The following KCNIP4 variants were observed in gnomAD, a reference collection of about 807,000 sequenced individuals.
KCNIP4 encodes the protein potassium voltage-gated channel interacting protein 4.
In KCNIP4, 12 loss-of-function variants were observed where a neutral mutation model predicts 34.0. The ratio of observed to expected loss-of-function variants is 0.35; its 90% CI spans 0.23 to 0.57. KCNIP4 has a LOEUF of 0.57. Among genes scored for constraint, KCNIP4 ranks in the 20% least tolerant of loss-of-function variants. The pLI, the probability that KCNIP4 is intolerant of heterozygous loss-of-function variation, is 0.83. For missense variants in KCNIP4, 238 were observed against 311.7 expected, an observed-to-expected ratio of 0.76 and a Z score of 1.78; for synonymous variants, 124 against 102.2, an observed-to-expected ratio of 1.21 and a Z score of -1.29.
chr4:20,748,248 T>C (rs1752794020), intron 5 of KCNIP4, among the ~76,000 whole-genome samples: 1 of 152,084 alleles, frequency 6.6e-6, no homozygotes, highest in African/African-American at 2.4e-5. Flanking sequence ...GTGTATTCTA[T>C]CTTCTTGATG....
At chr4:21,933,324 C>A (rs1369323018) in intron 1 of KCNIP4, among the ~76,000 whole-genome samples, 1 of 151,950 alleles carries the variant, frequency 6.6e-6, no homozygotes, top group Non-Finnish European at 1.5e-5. Flanking sequence ...GCCATCTGGA[C>A]CTTATCTTTT....
rs367788126 is a variant in KCNIP4, at chr4:20,811,266, A to G, written c.288+39277T>C. Among the ~76,000 whole-genome samples the G allele has an allele frequency of 4.3e-4, 66 of 152,326 alleles. No individual in the cohort carries two copies. In the South Asian group the frequency reaches 0.013, roughly 31 times the overall value. ...TAAAACGTGAAAAATAGGGAAATTC[A>G]TGCTATTTGAACTAGTTTTTGCTTA... On this transcript the variant is annotated intron_variant, in intron 3 of 8. Transcript: ENST00000382152.
chr4:21,023,737 CCAGGCATGGTGGTG>C (rs770502672), intron 1 of KCNIP4, among the ~76,000 whole-genome samples: 2 of 151,954 alleles, frequency 1.3e-5, no homozygotes, highest in Non-Finnish European at 2.9e-5. Context: ...AAAAAGTTAA[CCAGGCATGGTGGTG>C]CACGCCTGTA....
At chr4:20,948,510 G>A (rs1191432138) in intron 1 of KCNIP4, among the ~76,000 whole-genome samples, 2 of 152,174 alleles carry the variant, frequency 1.3e-5, no homozygotes, top group Non-Finnish European at 2.9e-5. Flanking sequence ...GTGGTTGGAG[G>A]GAGCATCTTC....
intron 1 of KCNIP4, among the ~76,000 whole-genome samples, chr4:21,018,527 G>A (rs1739754456): frequency 6.6e-6 from 1 of 152,088 alleles, no homozygotes; most frequent in Non-Finnish European, 1.5e-5. Context: ...TGCGATGGAA[G>A]GCTTCTCTCT....
chr4:21,758,610 T>G (rs1717824358), intron 1 of KCNIP4, among the ~76,000 whole-genome samples: 1 of 152,196 alleles, frequency 6.6e-6, no homozygotes, highest in Non-Finnish European at 1.5e-5. Context: ...GCATAAGTGG[T>G]GAATCCATCT....
chr4:20,946,497 G>A (rs1172016829), intron 1 of KCNIP4, among the ~76,000 whole-genome samples: 1 of 152,126 alleles, frequency 6.6e-6, no homozygotes, highest in Non-Finnish European at 1.5e-5. Flanking sequence ...TTAGGAATGC[G>A]GACACCTGTC....
At chr4:21,630,258 A>C (rs1479041342) in intron 1 of KCNIP4, among the ~76,000 whole-genome samples, 1 of 151,804 alleles carries the variant, frequency 6.6e-6, no homozygotes, top group Admixed American at 6.6e-5. Context: ...CGAGGTCAAG[A>C]GATTGAGACC....
intron 1 of KCNIP4, among the ~76,000 whole-genome samples, chr4:21,387,063 G>A (rs1365945432): frequency 1.3e-5 from 2 of 152,150 alleles, no homozygotes; most frequent in African/African-American, 2.4e-5. Context: ...CTGAAGGTAG[G>A]TTATTTCCAT....
intron 1 of KCNIP4, among the ~76,000 whole-genome samples, chr4:21,788,901 C>T (rs1447543320): frequency 6.6e-6 from 1 of 151,760 alleles, no homozygotes; most frequent in Non-Finnish European, 1.5e-5. Context: ...GGTGAAACCT[C>T]GTCTCTACTA....
At chr4:21,178,882 A>G (rs1754639971) in intron 1 of KCNIP4, among the ~76,000 whole-genome samples, 1 of 146,370 alleles carries the variant, frequency 6.8e-6, no homozygotes, top group Non-Finnish European at 1.5e-5. Flanking sequence ...AAGTGGCATG[A>G]TCTCAGCTCA....
At chr4:21,459,694 C>T (rs1405409469) in intron 1 of KCNIP4, among the ~76,000 whole-genome samples, 1 of 152,058 alleles carries the variant, frequency 6.6e-6, no homozygotes, top group African/African-American at 2.4e-5. Context: ...ACTCTCCCCC[C>T]ATTTCAGGAC....
chr4:20,890,184 T>G (rs1003324795), intron 1 of KCNIP4, among the ~76,000 whole-genome samples: 1 of 152,194 alleles, frequency 6.6e-6, no homozygotes, highest in Non-Finnish European at 1.5e-5. Flanking sequence ...CTGGCAATAA[T>G]GCACCGAATG....
chr4:20,752,460 A>G (rs1753829628), intron 4 of KCNIP4: 1 of 152,200 alleles, frequency 6.6e-6, no homozygotes, highest in Non-Finnish European at 1.5e-5. Context: ...AGCTATTATT[A>G]TTTCCTAGGC....
At chr4:21,647,626 C>A (rs952338895) in intron 1 of KCNIP4, among the ~76,000 whole-genome samples, 1 of 152,082 alleles carries the variant, frequency 6.6e-6, no homozygotes, top group Non-Finnish European at 1.5e-5. Context: ...GCCAATTAGT[C>A]AAATTCCTTT....
intron 3 of KCNIP4, among the ~76,000 whole-genome samples, chr4:20,762,218 G>A (rs1007550046): frequency 3.9e-5 from 6 of 152,154 alleles, no homozygotes; most frequent in South Asian, 2.1e-4. Flanking sequence ...TGGAAGGGGC[G>A]AGCTAGCTCT....
At chr4:21,831,736 T>G (rs1723004605) in intron 1 of KCNIP4, among the ~76,000 whole-genome samples, 1 of 143,710 alleles carries the variant, frequency 7.0e-6, no homozygotes, top group South Asian at 2.2e-4. Flanking sequence ...ATTTAAAGAA[T>G]TCACACTAGT....
intron 1 of KCNIP4, among the ~76,000 whole-genome samples, chr4:21,065,981 T>C (rs1744347782): frequency 1.3e-5 from 2 of 151,918 alleles, no homozygotes; most frequent in African/African-American, 2.4e-5. Flanking sequence ...TTTAAGAATA[T>C]AGAGGCAAAA....
rs559260822 is a variant in KCNIP4 at position 21,878,340 on chromosome 4, T to G, written c.61+70231A>C. Among the ~76,000 whole-genome samples the G allele has an allele frequency of 1.2e-4, 18 of 152,296 alleles. No homozygotes were observed. The East Asian group carries it at 3.5e-3, about 29-fold the overall frequency. ...ATCCACCTGCCTCGACCTCCCAAAG[T>G]GCTGGGATTACAGGCATGAGCCACA... is the stretch of plus-strand genomic sequence containing the variant. On this transcript the variant is annotated intron_variant, in intron 1 of 8. Transcript: ENST00000382152.
Sources: gnomAD v4.1 joint callset for allele counts (sites outside exome capture counted in the v4.1 genomes callset) on GRCh38, gnomAD v4.1.1 for gene constraint, MANE v1.5 for transcripts, NCBI Gene and HGNC (gene_info 2026-07-23, HGNC 2026-07-21) for gene names.